The following RBFOX1 variants were observed in gnomAD, a reference collection of about 807,000 sequenced individuals.
The protein encoded by RBFOX1 is RNA binding protein fox-1 homolog 1.
Under a neutral mutation model 57.7 loss-of-function variants are expected in RBFOX1, and 8 were observed. The observed-to-expected ratio is 0.14, with a 90% CI of 0.08 to 0.25. The LOEUF is 0.25. Among genes scored for constraint, RBFOX1 ranks in the 10% least tolerant of loss-of-function variants. RBFOX1 has a pLI of 1.00. For missense variants in RBFOX1, 611 were observed against 548.5 expected (o/e 1.11, Z -1.14); for synonymous variants, 326 against 222.4 (o/e 1.47, Z -4.15).
At chr16:7,193,481 C>T (rs537049709) in intron 4 of RBFOX1, among the ~76,000 whole-genome samples, 8 of 152,332 alleles carry the variant, frequency 5.3e-5, no homozygotes, top group South Asian at 2.1e-4. Flanking sequence ...GTCTTTGTTA[C>T]AGCAGCAGTA....
At chr16:6,236,275 A>G (rs1429889635) in intron 1 of RBFOX1, among the ~76,000 whole-genome samples, 1 of 152,120 alleles carries the variant, frequency 6.6e-6, no homozygotes, top group Non-Finnish European at 1.5e-5. Flanking sequence ...ACCTTGGGAA[A>G]ACTACTGCAT....
At chr16:6,140,564 C>A (rs375662728) in intron 1 of RBFOX1, among the ~76,000 whole-genome samples, 1 of 152,088 alleles carries the variant, frequency 6.6e-6, no homozygotes, top group Non-Finnish European at 1.5e-5. Context: ...CCCAAGTATC[C>A]TCTGTTCATT....
chr16:5,358,198 C>T (rs1405951786), intron 1 of RBFOX1, among the ~76,000 whole-genome samples: 1 of 151,976 alleles, frequency 6.6e-6, no homozygotes, highest in Admixed American at 6.6e-5. Flanking sequence ...TCACCCTGAC[C>T]TCTACCTTCA....
chr16:6,513,270 G>A (rs968480708), intron 2 of RBFOX1, among the ~76,000 whole-genome samples: 2 of 152,200 alleles, frequency 1.3e-5, no homozygotes, highest in African/African-American at 4.8e-5. Context: ...TGGTTGCCAC[G>A]TAGCAAATGC....
intron 1 of RBFOX1, among the ~76,000 whole-genome samples, chr16:6,060,678 A>C (rs917356872): frequency 3.9e-5 from 6 of 152,158 alleles, no homozygotes; most frequent in African/African-American, 1.4e-4. Flanking sequence ...CACTCGTACT[A>C]CCTTAAGACA....
intron 3 of RBFOX1, among the ~76,000 whole-genome samples, chr16:6,893,045 A>G (rs896539776): frequency 1.3e-5 from 2 of 152,158 alleles, no homozygotes; most frequent in South Asian, 2.1e-4. Context: ...CCAACCGAAT[A>G]CATGATCTTT....
At chr16:6,085,544 C>T (rs1243343153) in intron 1 of RBFOX1, among the ~76,000 whole-genome samples, 1 of 152,206 alleles carries the variant, frequency 6.6e-6, no homozygotes, top group Non-Finnish European at 1.5e-5. Flanking sequence ...GTTGGGATTA[C>T]AGGCGTGAGC....
rs575417680 is a variant in RBFOX1 at position 7,691,414 on chromosome 16, G to C, written c.995+14576G>C. 2.3e-4 allele frequency among the ~76,000 whole-genome samples: 34 copies of C among 150,704 alleles called. 2 individuals are homozygous for C. In the South Asian group the frequency reaches 6.3e-3, roughly 28 times the overall value. On this transcript the variant is annotated intron_variant, in intron 14 of 15. Coordinates refer to ENST00000550418, the MANE Select transcript of RBFOX1 (RefSeq NM_018723.4). Reference sequence around the variant, plus strand: ...GAGAAAGAATGAAGGGAAAATGAAAGGAGAGAAAGAACGGAAAGAAAACGG... The same window carrying C: ...GAGAAAGAATGAAGGGAAAATGAAACGAGAGAAAGAACGGAAAGAAAACGG...
intron 3 of RBFOX1, among the ~76,000 whole-genome samples, chr16:6,875,921 CG>C (rs1448497946): frequency 4.6e-5 from 7 of 152,178 alleles, no homozygotes; most frequent in African/African-American, 1.7e-4. Context: ...TCACTTGAGC[CG>C]GGGAGGTGGA....
intron 3 of RBFOX1, among the ~76,000 whole-genome samples, chr16:5,669,151 C>G (rs1025655962): frequency 7.9e-5 from 12 of 152,262 alleles, no homozygotes; most frequent in African/African-American, 2.9e-4. Flanking sequence ...AGAGGGTTGG[C>G]CTTTACCCCT....
At chr16:7,268,298 G>A (rs1254068280) in intron 4 of RBFOX1, among the ~76,000 whole-genome samples, 1 of 152,098 alleles carries the variant, frequency 6.6e-6, no homozygotes, top group Non-Finnish European at 1.5e-5. Flanking sequence ...GTGCTATTCA[G>A]GGAACGGACA....
chr16:7,176,596 G>T (rs187579958), intron 4 of RBFOX1, among the ~76,000 whole-genome samples: 4 of 152,232 alleles, frequency 2.6e-5, no homozygotes, highest in Admixed American at 2.6e-4. Context: ...GTGCTACAAC[G>T]ACACAGATGA....
intron 4 of RBFOX1, among the ~76,000 whole-genome samples, chr16:7,180,315 C>G (rs1023434536): frequency 6.6e-6 from 1 of 152,104 alleles, no homozygotes; most frequent in African/African-American, 2.4e-5. Context: ...TCCCATTTTT[C>G]AGATAGAAAA....
At chr16:7,605,574 C>T (rs1000431136) in intron 9 of RBFOX1, among the ~76,000 whole-genome samples, 2 of 152,168 alleles carry the variant, frequency 1.3e-5, no homozygotes, top group African/African-American at 4.8e-5. Flanking sequence ...GACATACTGG[C>T]CTGTCTGTTG....
chr16:5,698,067 G>C (rs1419574311), intron 3 of RBFOX1, among the ~76,000 whole-genome samples: 1 of 152,030 alleles, frequency 6.6e-6, no homozygotes, highest in Non-Finnish European at 1.5e-5. Flanking sequence ...ATCGTTATTG[G>C]ATTTTTGGAC....
chr16:7,367,913 CAG>C (rs962333200), intron 4 of RBFOX1, among the ~76,000 whole-genome samples: 1 of 151,176 alleles, frequency 6.6e-6, no homozygotes, highest in African/African-American at 2.4e-5. Flanking sequence ...CACACACACA[CAG>C]ACACTACACA....
At chr16:7,231,161 C>G (rs980201032) in intron 4 of RBFOX1, among the ~76,000 whole-genome samples, 2 of 152,154 alleles carry the variant, frequency 1.3e-5, no homozygotes, top group East Asian at 1.9e-4. Context: ...CAAGAGACCA[C>G]TATAGCTTAA....
At chr16:5,916,724 C>G (rs867210791) in intron 4 of RBFOX1, among the ~76,000 whole-genome samples, 2 of 152,110 alleles carry the variant, frequency 1.3e-5, no homozygotes, top group Non-Finnish European at 2.9e-5. Flanking sequence ...GTCAGCACCA[C>G]CCCCCACACT....
chr16:5,673,699 A>G (rs1436086817), intron 3 of RBFOX1, among the ~76,000 whole-genome samples: 1 of 152,038 alleles, frequency 6.6e-6, no homozygotes, highest in Non-Finnish European at 1.5e-5. Flanking sequence ...TTCTCTAGCT[A>G]CTTATTGTGG....
Sources: allele counts gnomAD v4.1 joint callset (sites outside exome capture counted in the v4.1 genomes callset), GRCh38; gene constraint gnomAD v4.1.1; transcripts MANE v1.5; gene names NCBI Gene and HGNC (gene_info 2026-07-23, HGNC 2026-07-21).